The following COL8A1 variants were observed in gnomAD, a reference collection of about 807,000 sequenced individuals.
COL8A1 encodes collagen alpha-1(VIII) chain.
A neutral mutation model predicts 42.7 loss-of-function variants in COL8A1; 21 were observed. The ratio of observed to expected loss-of-function variants is 0.49; its 90% CI spans 0.35 to 0.71. The LOEUF (loss-of-function observed/expected upper bound fraction) is 0.71, where lower values mean the gene tolerates loss of function less well. Ranked by LOEUF, COL8A1 falls within the 30% of genes least tolerant of loss-of-function variation. COL8A1 has a pLI of 0.01. For synonymous variants in COL8A1, 367 were observed against 369.1 expected, an observed-to-expected ratio of 0.99 and a Z score of 0.06; for missense variants, 788 against 962.4, an observed-to-expected ratio of 0.82 and a Z score of 2.40.
Position 99,797,453 on chromosome 3 carries a change from G to C in COL8A1, c.*1317G>C, listed in dbSNP as rs1164350028. 3 of 152,020 alleles carry C rather than the reference G, an allele frequency of 2.0e-5. No individual in the cohort carries two copies. Among genetic ancestry groups the C allele is most frequent in the Non-Finnish European group, 4.4e-5 (3 of 68,036 alleles). 9.4% of individuals were successfully genotyped at this position (152,020 alleles called of 1,614,324 possible). ...TGCCTGGCTAATTTTTGTATATTTA[G>C]TAAAGATGGGTTTTCGCCATGTTGG... On this transcript the variant is annotated 3_prime_UTR_variant, in exon 4 of 4. Coordinates refer to ENST00000652472, the MANE Select transcript of COL8A1 (RefSeq NM_020351.4).
chr3:99,743,383 G>A (rs1940945940), intron 1 of COL8A1, among the ~76,000 whole-genome samples: 1 of 152,188 alleles, frequency 6.6e-6, no homozygotes, highest in South Asian at 2.1e-4. Context: ...GCAGGGTGCT[G>A]CTGTATCCAC....
intron 2 of COL8A1, among the ~76,000 whole-genome samples, chr3:99,748,164 G>A (rs1348128918): frequency 6.6e-6 from 1 of 152,188 alleles, no homozygotes; most frequent in Non-Finnish European, 1.5e-5. Flanking sequence ...TTCAAGTCAG[G>A]AACAGTCATA....
At chr3:99,681,336 T>C (rs1162635132) in intron 1 of COL8A1, among the ~76,000 whole-genome samples, 4 of 152,168 alleles carry the variant, frequency 2.6e-5, no homozygotes, top group African/African-American at 9.7e-5. Context: ...GCGAAGGATA[T>C]GAACAGACAC....
chr3:99,644,857 C>T (rs1022627501), intron 1 of COL8A1, among the ~76,000 whole-genome samples: 1 of 152,164 alleles, frequency 6.6e-6, no homozygotes, highest in African/African-American at 2.4e-5. Flanking sequence ...TAACATGTAT[C>T]TAGCCTATTG....
At chr3:99,769,369 G>A (rs950816715) in intron 2 of COL8A1, among the ~76,000 whole-genome samples, 1 of 152,220 alleles carries the variant, frequency 6.6e-6, no homozygotes, top group Non-Finnish European at 1.5e-5. Flanking sequence ...GATTGACAAG[G>A]TTTCTAGTTG....
intron 1 of COL8A1, among the ~76,000 whole-genome samples, chr3:99,705,323 TC>T (rs1939651247): frequency 6.6e-6 from 1 of 152,198 alleles, no homozygotes; most frequent in African/African-American, 2.4e-5. Context: ...ATGTCCAACT[TC>T]CACCATTTCT....
At chr3:99,649,026 T>A (rs935001885) in intron 1 of COL8A1, among the ~76,000 whole-genome samples, 2 of 152,138 alleles carry the variant, frequency 1.3e-5, no homozygotes, top group African/African-American at 4.8e-5. Flanking sequence ...CACATTCTGT[T>A]ATGCTTTTTG....
At position 99,744,825 on chromosome 3, in the gene COL8A1, G is replaced by A. The variant is rs547730183; in HGVS notation, c.-128-72G>A. ...ATTCCTATTATGCAAGTTCTCCTATGATCCAGAATAATACTTTGATAATGC... is the reference window on the plus strand; with the variant it reads ...ATTCCTATTATGCAAGTTCTCCTATAATCCAGAATAATACTTTGATAATGC... On this transcript the variant is annotated intron_variant, in intron 1 of 3. Transcript: ENST00000652472. 146 of 74,126 alleles carry A rather than the reference G, an allele frequency of 2.0e-3. 1 individual carries two copies. The highest frequency in any genetic ancestry group is 0.012 in the African/African-American group (139 of 12,000). 4.6% of individuals were successfully genotyped at this position (74,126 alleles called of 1,614,324 possible). A position where few individuals can be genotyped will look rare whatever the true frequency, so the allele number is the denominator to read the frequency against.
chr3:99,680,008 T>G (rs1020934220), intron 1 of COL8A1: 3 of 152,182 alleles, frequency 2.0e-5, no homozygotes, highest in Non-Finnish European at 2.9e-5. Context: ...TTCTTTTTTT[T>G]ATTATACTTT....
intron 1 of COL8A1, among the ~76,000 whole-genome samples, chr3:99,713,802 T>A (rs569124561): frequency 2.0e-5 from 3 of 152,148 alleles, no homozygotes; most frequent in Admixed American, 1.3e-4. Context: ...AAAATACAAT[T>A]AAAACAAATT....
At chr3:99,684,335 A>G (rs890662926) in intron 1 of COL8A1, among the ~76,000 whole-genome samples, 1 of 152,192 alleles carries the variant, frequency 6.6e-6, no homozygotes, top group Non-Finnish European at 1.5e-5. Flanking sequence ...AATGTGTAAA[A>G]TTGGACAAAT....
chr3:99,728,645 A>G (rs967426079), intron 1 of COL8A1, among the ~76,000 whole-genome samples: 3 of 151,984 alleles, frequency 2.0e-5, no homozygotes, highest in Admixed American at 2.0e-4. Flanking sequence ...CCCAATACAA[A>G]TGGCTTCACT....
In COL8A1 at chr3:99,661,329, C is replaced by T. The variant is rs1365317763; in HGVS notation, c.-129+22665C>T. Among the ~76,000 whole-genome samples, 3 of 152,182 alleles carry T rather than the reference C, an allele frequency of 2.0e-5. No homozygotes were observed. In the East Asian group the frequency reaches 5.8e-4, roughly 29 times the overall value. ...TAGATATTTCTCCAAAGAAGATATACAAATGGTCAACAAGCACATGAAAAT... is the reference window on the plus strand; with the variant it reads ...TAGATATTTCTCCAAAGAAGATATATAAATGGTCAACAAGCACATGAAAAT... On this transcript the variant is annotated intron_variant, in intron 1 of 3. Coordinates refer to ENST00000652472, the MANE Select transcript of COL8A1 (RefSeq NM_020351.4).
At chr3:99,703,640 G>T (rs905930943) in intron 1 of COL8A1, 2 of 152,182 alleles carry the variant, frequency 1.3e-5, no homozygotes, top group Admixed American at 1.3e-4. Flanking sequence ...CAGCAATATC[G>T]GAGTTATTAG....
chr3:99,641,917 G>C (rs530080628), intron 1 of COL8A1, among the ~76,000 whole-genome samples: 1 of 152,294 alleles, frequency 6.6e-6, no homozygotes, highest in Admixed American at 6.5e-5. Flanking sequence ...GAATTAAGGG[G>C]AGAATGAATG....
rs546294395 is a variant in COL8A1 at position 99,646,677 on chromosome 3, T to C, written c.-129+8013T>C. Among the ~76,000 whole-genome samples, 3 of 152,240 alleles carry C rather than the reference T, an allele frequency of 2.0e-5. No homozygotes were observed. The South Asian group carries it at 6.2e-4, about 32-fold the overall frequency. On this transcript the variant is annotated intron_variant, in intron 1 of 3. Transcript: ENST00000652472. ...TAAAATGTCAAGTAGCCACATAACC[T>C]TCCAAGATATAGCAAGAGCATTTTT...
At chr3:99,776,819 T>C (rs967540460) in intron 2 of COL8A1, among the ~76,000 whole-genome samples, 10 of 152,196 alleles carry the variant, frequency 6.6e-5, no homozygotes, top group African/African-American at 2.4e-4. Context: ...GGGAAAGGGG[T>C]AGGCAATTCC....
chr3:99,660,459 G>A (rs896940877), intron 1 of COL8A1, among the ~76,000 whole-genome samples: 5 of 152,088 alleles, frequency 3.3e-5, no homozygotes, highest in African/African-American at 1.2e-4. Context: ...TCCCATCATC[G>A]TTGTTACATC....
intron 2 of COL8A1, among the ~76,000 whole-genome samples, chr3:99,759,630 A>G (rs1426547467): frequency 6.6e-6 from 1 of 152,248 alleles, no homozygotes; most frequent in African/African-American, 2.4e-5. Context: ...TTTTCAGATT[A>G]ACCAATGTTT....
Sources: allele counts gnomAD v4.1 joint callset (sites outside exome capture counted in the v4.1 genomes callset), GRCh38; gene constraint gnomAD v4.1.1; transcripts MANE v1.5; gene names NCBI Gene and HGNC (gene_info 2026-07-23, HGNC 2026-07-21).